Variants in PTPRR observed in about 807,000 individuals in gnomAD.
The protein encoded by PTPRR is receptor-type tyrosine-protein phosphatase R.
A neutral mutation model predicts 77.2 loss-of-function variants in PTPRR; 38 were observed. The observed-to-expected ratio is 0.49, with a 90% CI of 0.38 to 0.65. PTPRR has a LOEUF of 0.65. Among genes scored for constraint, PTPRR ranks in the 30% least tolerant of loss-of-function variants. PTPRR has a pLI of 0.00. For synonymous variants in PTPRR, 299 were observed against 283.1 expected (o/e 1.06, Z -0.57); for missense variants, 744 against 799.2 (o/e 0.93, Z 0.83).
chr12:70,788,840 G>A (rs1339882736), intron 2 of PTPRR: 1 of 1,525,214 alleles, frequency 6.6e-7, no homozygotes, highest in Non-Finnish European at 8.8e-7. Flanking sequence ...ACTGCATGTT[G>A]TGATGAAGTC....
At chr12:70,661,409 G>T (rs76598673) in intron 11 of PTPRR, among the ~76,000 whole-genome samples, 6,085 of 152,166 alleles carry the variant, frequency 0.04, 288 homozygotes, top group East Asian at 0.24. Flanking sequence ...CAAGATGGTA[G>T]GTGAAAATGT....
intron 6 of PTPRR, among the ~76,000 whole-genome samples, chr12:70,727,838 G>A (rs1889497935): frequency 6.6e-6 from 1 of 152,188 alleles, no homozygotes; most frequent in Non-Finnish European, 1.5e-5. Context: ...ACTTGAACAT[G>A]TTTAGCCCGA....
chr12:70,745,876 T>C lies in PTPRR; in HGVS notation c.949A>G (p.Thr317Ala). 3.1e-6 allele frequency: 5 copies of C among 1,613,998 alleles called. No individual in the cohort carries two copies. Among genetic ancestry groups the C allele is most frequent in the South Asian group, 1.1e-5 (1 of 91,066 alleles). Residue 317 changes from threonine to alanine, a missense_variant, in exon 6 of 14, where the codon ACC becomes GCC. Physicochemically the swap from Thr to Ala is moderately conservative, Grantham distance 58. Coordinates refer to ENST00000283228, the MANE Select transcript of PTPRR (RefSeq NM_002849.4). ...GRGAPEIKAT[T>A]ATSVCPSPFK... is the part of the protein sequence containing the mutation. ...GGAGAAGGGCAAACAGAGGTAGCGG[T>C]GGTAGCTTTGATCTCAGGAGCACCT...
chr12:70,864,356 T>C (rs559513857), intron 2 of PTPRR, among the ~76,000 whole-genome samples: 3 of 152,174 alleles, frequency 2.0e-5, no homozygotes, highest in East Asian at 1.9e-4. Context: ...AGATAGGGAG[T>C]CCTTGGCTTA....
chr12:70,899,225 C>T (rs1393632332), intron 1 of PTPRR, among the ~76,000 whole-genome samples: 2 of 151,004 alleles, frequency 1.3e-5, no homozygotes, highest in African/African-American at 4.9e-5. Context: ...TCTGATGAAG[C>T]CAAAATTACC....
rs1393236858 is a variant in PTPRR, at chr12:70,899,453, A to G, written c.59-6476T>C. ...AATCTACATAACCCACTCTACTGAG[A>G]GTCTAAAGAGGAAAAATAATAGTCA... On this transcript the variant is annotated intron_variant, in intron 1 of 13. Transcript: ENST00000283228. Among the ~76,000 whole-genome samples, 3 of 151,424 alleles carry G rather than the reference A, an allele frequency of 2.0e-5. No individual in the cohort carries two copies. The Admixed American group carries it at 2.0e-4, about 10-fold the overall frequency.
At chr12:70,732,538 G>A (rs1463543969) in intron 6 of PTPRR, among the ~76,000 whole-genome samples, 2 of 152,140 alleles carry the variant, frequency 1.3e-5, no homozygotes, top group Non-Finnish European at 2.9e-5. Context: ...CAAGGGCGAG[G>A]TGGTGGTGAG....
chr12:70,743,890 T>G (rs1890129979), intron 6 of PTPRR, among the ~76,000 whole-genome samples: 1 of 152,198 alleles, frequency 6.6e-6, no homozygotes, highest in Non-Finnish European at 1.5e-5. Context: ...ATGGCTACTT[T>G]CCTAGACAAT....
chr12:70,720,456 T>C (rs1889206326), intron 6 of PTPRR, among the ~76,000 whole-genome samples: 1 of 152,106 alleles, frequency 6.6e-6, no homozygotes, highest in Non-Finnish European at 1.5e-5. Context: ...ACTTACCAAG[T>C]CTTTTCCAGT....
At chr12:70,788,739 T>A in intron 2 of PTPRR, 1 of 993,746 alleles carries the variant, frequency 1.0e-6, no homozygotes, top group Non-Finnish European at 1.5e-6. Flanking sequence ...GATATAGACA[T>A]AAATCTTAAT....
chr12:70,816,487 G>GA (rs989197981), intron 2 of PTPRR, among the ~76,000 whole-genome samples: 16 of 151,378 alleles, frequency 1.1e-4, no homozygotes, highest in African/African-American at 3.4e-4. Context: ...TCATTGAAGT[G>GA]AAAAAAAACA....
At chr12:70,865,901 G>A (rs2137084257) in intron 2 of PTPRR, among the ~76,000 whole-genome samples, 1 of 152,226 alleles carries the variant, frequency 6.6e-6, no homozygotes, top group African/African-American at 2.4e-5. Flanking sequence ...ACAAGACACT[G>A]TTATACCAGA....
chr12:70,777,640 T>A (rs908949132), intron 2 of PTPRR, among the ~76,000 whole-genome samples: 2 of 152,218 alleles, frequency 1.3e-5, no homozygotes, highest in African/African-American at 4.8e-5. Flanking sequence ...AGTAAAGTGA[T>A]ACCTTCAGTC....
intron 6 of PTPRR, among the ~76,000 whole-genome samples, chr12:70,705,443 T>G (rs1481712630): frequency 1.3e-5 from 2 of 152,062 alleles, no homozygotes; most frequent in African/African-American, 4.8e-5. Flanking sequence ...TTGCAGTACT[T>G]TGGTCACTGA....
intron 2 of PTPRR, among the ~76,000 whole-genome samples, chr12:70,832,264 G>A (rs1379225609): frequency 6.6e-6 from 1 of 152,174 alleles, no homozygotes; most frequent in Non-Finnish European, 1.5e-5. Context: ...AGTAGGGCTT[G>A]GGCCTGCTGC....
rs901398351 is a variant in PTPRR, at chr12:70,817,289, G to C, written c.358-52511C>G. 3.9e-5 allele frequency among the ~76,000 whole-genome samples: 6 copies of C among 152,122 alleles called. 1 individual carries two copies. Among genetic ancestry groups the C allele is most frequent in the African/African-American group, 1.4e-4 (6 of 41,448 alleles). On this transcript the variant is annotated intron_variant, in intron 2 of 13. Transcript: ENST00000283228. ...ATTAAGTAAAAATCAAATATTTGCA[G>C]ACTTTTTCCTTTTTGTTGCTACAAA...
At chr12:70,816,655 G>T (rs542756913) in intron 2 of PTPRR, among the ~76,000 whole-genome samples, 436 of 151,912 alleles carry the variant, frequency 2.9e-3, no homozygotes, top group South Asian at 1.0e-2. Flanking sequence ...AACATATGTG[G>T]TGTGTGACCA....
chr12:70,789,033 A>G, intron 2 of PTPRR: 2 of 529,252 alleles, frequency 3.8e-6, no homozygotes, highest in Non-Finnish European at 6.2e-6. Context: ...TGCTTTCCCA[A>G]GAGATATCCC....
intron 2 of PTPRR, among the ~76,000 whole-genome samples, chr12:70,846,663 T>A (rs1223197171): frequency 1.3e-5 from 2 of 151,952 alleles, no homozygotes; most frequent in Non-Finnish European, 2.9e-5. Flanking sequence ...AGGGGCTTGT[T>A]TGCCCCCTTC....
Sources: gnomAD v4.1 joint callset for allele counts (sites outside exome capture counted in the v4.1 genomes callset) on GRCh38, gnomAD v4.1.1 for gene constraint, MANE v1.5 for transcripts, NCBI Gene and HGNC (gene_info 2026-07-23, HGNC 2026-07-21) for gene names.